The following MAPDA variants were observed in gnomAD, a reference collection of about 807,000 sequenced individuals.
The protein encoded by MAPDA is N6-Methyl-AMP deaminase.
chr15:43,330,693 T>G, the MAPDA span: 6 of 499,132 alleles, frequency 1.2e-5, no homozygotes, highest in African/African-American at 6.0e-5. Flanking sequence ...TAAGTTCGCT[T>G]GCGGCTGACC....
chr15:43,347,070 C>CTGAAGTTAGCATT, the MAPDA span: 1 of 1,613,662 alleles, frequency 6.2e-7, no homozygotes, highest in South Asian at 1.1e-5. Flanking sequence ...GAAAGCAGGT[C>CTGAAGTTAGCATT]TGAAGTTAGC....
the MAPDA span, chr15:43,335,042 C>A: frequency 3.3e-6 from 5 of 1,516,950 alleles, no homozygotes; most frequent in African/African-American, 4.1e-5. Context: ...AATTTACTGA[C>A]TGAAATACAT....
the MAPDA span, chr15:43,345,798 T>C: frequency 3.7e-6 from 6 of 1,601,748 alleles, no homozygotes; most frequent in Non-Finnish European, 4.3e-6. Context: ...GTACTCAGAA[T>C]TGTCTTTTTC....
chr15:43,352,691 T>C, the MAPDA span: 30 of 152,248 alleles, frequency 2.0e-4, no homozygotes, highest in Admixed American at 1.5e-3. Flanking sequence ...GGCAACAGAG[T>C]GAAACCCTGT....
chr15:43,342,512 G>A, the MAPDA span, among the ~76,000 whole-genome samples: 1 of 150,568 alleles, frequency 6.6e-6, no homozygotes, highest in African/African-American at 2.4e-5. Context: ...ACTTTGGGAG[G>A]CCAAGGCGGG....
chr15:43,335,291 T>C, the MAPDA span: 1 of 1,012,730 alleles, frequency 9.9e-7, no homozygotes, highest in Middle Eastern at 2.8e-4. Flanking sequence ...TTCTGGCGCT[T>C]TGGGAGGCCA....
the MAPDA span, among the ~76,000 whole-genome samples, chr15:43,337,794 T>C: frequency 2.0e-5 from 3 of 152,200 alleles, no homozygotes; most frequent in African/African-American, 7.2e-5. Flanking sequence ...GTTGACTGAG[T>C]GCCCACAATG....
At chr15:43,347,028 A>G in the MAPDA span, 1 of 1,613,806 alleles carries the variant, frequency 6.2e-7, no homozygotes, top group Non-Finnish European at 8.5e-7. Flanking sequence ...AGGACAAGCA[A>G]AAGACTTCTT....
chr15:43,340,174 A>G, the MAPDA span: 1 of 1,123,212 alleles, frequency 8.9e-7, no homozygotes, highest in Non-Finnish European at 1.3e-6. Context: ...AATCAGATTT[A>G]ATGAATAAAA....
the MAPDA span, among the ~76,000 whole-genome samples, chr15:43,344,200 G>A: frequency 6.6e-6 from 1 of 151,862 alleles, no homozygotes; most frequent in African/African-American, 2.4e-5. Flanking sequence ...ATGCATCCCA[G>A]GAAATAGATT....
chr15:43,335,946 A>C, the MAPDA span: 1 of 1,226,822 alleles, frequency 8.2e-7, no homozygotes, highest in Admixed American at 2.4e-5. Context: ...TGTGGTGTGG[A>C]GCATATATCT....
At chr15:43,342,941 G>T in the MAPDA span, 1 of 1,298,132 alleles carries the variant, frequency 7.7e-7, no homozygotes, top group Non-Finnish European at 1.1e-6. Flanking sequence ...TGAAGGTGAG[G>T]GATGAAATAG....
the MAPDA span, chr15:43,330,507 G>C: frequency 3.3e-6 from 5 of 1,512,288 alleles, no homozygotes; most frequent in African/African-American, 1.4e-5. Context: ...AGAGACTCAG[G>C]AATGGCAGTC....
the MAPDA span, among the ~76,000 whole-genome samples, chr15:43,345,623 C>T: frequency 5.9e-5 from 9 of 152,210 alleles, no homozygotes; most frequent in East Asian, 1.9e-4. Context: ...AAAAAAACCT[C>T]GAAAGACAAC....
the MAPDA span, among the ~76,000 whole-genome samples, chr15:43,341,880 C>A: frequency 6.6e-6 from 1 of 151,910 alleles, no homozygotes; most frequent in Non-Finnish European, 1.5e-5. Flanking sequence ...TGCTCGTCAC[C>A]CAGACTGGAG....
the MAPDA span, among the ~76,000 whole-genome samples, chr15:43,344,216 A>G: frequency 6.6e-6 from 1 of 152,246 alleles, no homozygotes; most frequent in Non-Finnish European, 1.5e-5. Flanking sequence ...AGATTGATTT[A>G]TGCATAAGAT....
At chr15:43,350,339 A>G in the MAPDA span, among the ~76,000 whole-genome samples, 1 of 151,730 alleles carries the variant, frequency 6.6e-6, no homozygotes, top group African/African-American at 2.4e-5. Flanking sequence ...TGGCCTCCCA[A>G]ATTGCTGGGA....
At chr15:43,341,204 T>A in the MAPDA span, among the ~76,000 whole-genome samples, 1 of 152,172 alleles carries the variant, frequency 6.6e-6, no homozygotes, top group Non-Finnish European at 1.5e-5. Flanking sequence ...GGTAAAATTT[T>A]TGAAACTTAT....
the MAPDA span, among the ~76,000 whole-genome samples, chr15:43,350,582 A>T: frequency 0.27 from 40,369 of 152,008 alleles, 8,584 homozygotes; most frequent in African/African-American, 0.58. Context: ...ACCAGGAGGG[A>T]TTGCAGTAGC....
Sources: gnomAD v4.1 joint callset for allele counts (sites outside exome capture counted in the v4.1 genomes callset) on GRCh38, gnomAD v4.1.1 for gene constraint, MANE v1.5 for transcripts, NCBI Gene and HGNC (gene_info 2026-07-23, HGNC 2026-07-21) for gene names.